RAP1GAP2: variants seen among roughly 807,000 people sequenced by gnomAD.
RAP1GAP2 encodes the protein RAP1 GTPase activating protein 2.
RAP1GAP2 carries 27 observed loss-of-function variants against 95.0 expected under a neutral mutation model. The observed-to-expected ratio is 0.28, with a 90% CI of 0.21 to 0.39. The LOEUF (loss-of-function observed/expected upper bound fraction) is 0.39, where lower values mean the gene tolerates loss of function less well. Among genes scored for constraint, RAP1GAP2 ranks in the 10% least tolerant of loss-of-function variants. The pLI is 1.00. For synonymous variants in RAP1GAP2, 373 were observed against 380.9 expected, an observed-to-expected ratio of 0.98 and a Z score of 0.24; for missense variants, 771 against 970.0, an observed-to-expected ratio of 0.79 and a Z score of 2.72.
At chr17:2,790,302 G>A (rs2068891804) in intron 1 of RAP1GAP2, among the ~76,000 whole-genome samples, 1 of 152,094 alleles carries the variant, frequency 6.6e-6, no homozygotes, top group South Asian at 2.1e-4. Context: ...AGTAGAGACG[G>A]GGTTTCTCCA....
At chr17:2,931,439 C>T (rs2043151729) in intron 3 of RAP1GAP2, among the ~76,000 whole-genome samples, 1 of 152,116 alleles carries the variant, frequency 6.6e-6, no homozygotes, top group Admixed American at 6.6e-5. Context: ...TGAGTGATTC[C>T]CCCAGCCAGG....
intron 3 of RAP1GAP2, among the ~76,000 whole-genome samples, chr17:2,956,947 T>C (rs1377205558): frequency 6.6e-6 from 1 of 151,960 alleles, no homozygotes; most frequent in East Asian, 1.9e-4. Context: ...GCCAACATAG[T>C]GAAACCCCGT....
At chr17:2,976,268 G>GA (rs2045114623) in intron 8 of RAP1GAP2, among the ~76,000 whole-genome samples, 1 of 151,984 alleles carries the variant, frequency 6.6e-6, no homozygotes, top group South Asian at 2.1e-4. Flanking sequence ...CTTAGCAAAA[G>GA]AAAAAAATAC....
chr17:2,798,699 T>C (rs1034304172), intron 1 of RAP1GAP2, among the ~76,000 whole-genome samples: 2 of 152,088 alleles, frequency 1.3e-5, no homozygotes, highest in Admixed American at 6.5e-5. Context: ...CTTGGCTTCC[T>C]GAAAGGGAAA....
intron 1 of RAP1GAP2, among the ~76,000 whole-genome samples, chr17:2,798,929 C>T (rs2069173969): frequency 6.6e-6 from 1 of 152,180 alleles, no homozygotes; most frequent in Non-Finnish European, 1.5e-5. Flanking sequence ...AGCCCCGGTT[C>T]CAGCGGTTCC....
rs546111176 is a variant in RAP1GAP2 at position 2,789,607 on chromosome 17, TAAAA to T, written c.-13-10888_-13-10885del. Among the ~76,000 whole-genome samples, 6 of 74,822 alleles carry T rather than the reference TAAAA, an allele frequency of 8.0e-5. No homozygotes were observed. In the South Asian group the frequency reaches 2.3e-3, roughly 29 times the overall value. 49.1% of individuals were successfully genotyped at this position (74,822 alleles called of 152,430 possible). ...GAAACGACTCACAGACAGTCTCTAC[TAAAA>T]AAAAAAAAAAAAAAAAAAACATTAG... On this transcript the variant is annotated intron_variant, in intron 1 of 24. Coordinates refer to the RAP1GAP2 transcript ENST00000540393.
intron 11 of RAP1GAP2, among the ~76,000 whole-genome samples, chr17:2,987,616 C>T (rs2045601521): frequency 6.6e-6 from 1 of 152,056 alleles, no homozygotes; most frequent in African/African-American, 2.4e-5. Flanking sequence ...CTGCCTTGGC[C>T]TCCCAAAGTG....
intron 1 of RAP1GAP2, among the ~76,000 whole-genome samples, chr17:2,800,003 T>C (rs2069214660): frequency 6.6e-6 from 1 of 152,140 alleles, no homozygotes; most frequent in Non-Finnish European, 1.5e-5. Flanking sequence ...TCTGCCTCCC[T>C]GGATGGACTG....
At position 2,927,978 on chromosome 17, in the gene RAP1GAP2, C is replaced by T. The variant is rs564055514; in HGVS notation, c.165+22610C>T. On this transcript the variant is annotated intron_variant, in intron 3 of 24. Transcript: ENST00000254695. The stretch of plus-strand genomic sequence containing the variant: ...TGGAATATGTGCCTAAGCATTTCCA[C>T]AGAGAGAAGAGGGACATAGCACACA... 1.1e-3 allele frequency among the ~76,000 whole-genome samples: 163 copies of T among 152,304 alleles called. 1 individual carries two copies. Among genetic ancestry groups the T allele is most frequent in the African/African-American group, 3.8e-3 (157 of 41,556 alleles).
intron 2 of RAP1GAP2, among the ~76,000 whole-genome samples, chr17:2,881,848 T>C (rs2073306469): frequency 6.6e-6 from 1 of 152,168 alleles, no homozygotes; most frequent in South Asian, 2.1e-4. Context: ...TGAGACGGAG[T>C]CTCGCTATGT....
At chr17:2,860,007 A>G (rs1303961730) in intron 2 of RAP1GAP2, among the ~76,000 whole-genome samples, 1 of 146,410 alleles carries the variant, frequency 6.8e-6, no homozygotes, top group Non-Finnish European at 1.5e-5. Flanking sequence ...GTCATTGTTG[A>G]TTGATTTGTT....
chr17:3,015,128 C>T (rs1017045553), intron 17 of RAP1GAP2, among the ~76,000 whole-genome samples: 6 of 152,158 alleles, frequency 3.9e-5, no homozygotes, highest in Non-Finnish European at 8.8e-5. Flanking sequence ...GCTTGCGTGA[C>T]GGGGTAAATA....
intron 2 of RAP1GAP2, among the ~76,000 whole-genome samples, chr17:2,900,586 C>T (rs748123364): frequency 2.0e-5 from 3 of 151,994 alleles, no homozygotes; most frequent in South Asian, 2.1e-4. Flanking sequence ...GGATTACAGG[C>T]ACCCGCCACC....
In RAP1GAP2 at chr17:3,025,032, A is replaced by T. The variant is rs58623052; in HGVS notation, c.1752-976A>T. On this transcript the variant is annotated intron_variant, in intron 19 of 24. Coordinates refer to ENST00000254695, the MANE Select transcript of RAP1GAP2 (RefSeq NM_015085.5). ...AGCCATTGCATTGTATACTTTAAAT[A>T]GGTGAGTTCTGTGGTGTGTAGATTC... 0.018 allele frequency among the ~76,000 whole-genome samples: 2,767 copies of T among 152,332 alleles called. 151 individuals are homozygous for T. In the East Asian group the frequency reaches 0.21, roughly 12 times the overall value.
In RAP1GAP2 at chr17:3,006,045, A is replaced by G; in HGVS notation, c.1359+4A>G. ...GGACAAGTTTGCAAAGCTGGAGGTG[A>G]GAGTGTGGTTTCTGAAGGTCTCCCT... On this transcript the variant is annotated splice_donor_region_variant and intron_variant, in intron 16 of 24. Coordinates refer to ENST00000254695, the MANE Select transcript of RAP1GAP2 (RefSeq NM_015085.5). 6.7e-7 allele frequency: 1 copy of G among 1,501,574 alleles called. No individual in the cohort carries two copies. The highest frequency in any genetic ancestry group is 9.0e-7 in the Non-Finnish European group (1 of 1,109,942). The allele number at this position is 1,501,574 out of a possible 1,614,324, so 93.0% of individuals were successfully genotyped here. A position where few individuals can be genotyped will look rare whatever the true frequency, so the allele number is the denominator to read the frequency against.
At chr17:2,897,897 G>T (rs1258304095) in intron 2 of RAP1GAP2, among the ~76,000 whole-genome samples, 2 of 149,204 alleles carry the variant, frequency 1.3e-5, no homozygotes, top group African/African-American at 4.9e-5. Flanking sequence ...GGTGGGGATT[G>T]CCATTTTGCA....
chr17:2,881,253 T>C (rs995889877), intron 2 of RAP1GAP2, among the ~76,000 whole-genome samples: 29 of 147,434 alleles, frequency 2.0e-4, no homozygotes, highest in Admixed American at 1.8e-3. Context: ...AGAGTGAGAC[T>C]CTGCCTCAAA....
intron 3 of RAP1GAP2, among the ~76,000 whole-genome samples, chr17:2,939,304 G>A: frequency 1.3e-5 from 2 of 152,104 alleles, no homozygotes; most frequent in African/African-American, 2.4e-5. Flanking sequence ...TGGCCAGGCT[G>A]GTCTCGAACT....
chr17:2,912,447 C>A (rs374652676), intron 3 of RAP1GAP2, among the ~76,000 whole-genome samples: 1 of 152,218 alleles, frequency 6.6e-6, no homozygotes, highest in African/African-American at 2.4e-5. Context: ...CAGTGTCAGC[C>A]CCCCATACAT....
Sources: gnomAD v4.1 joint callset for allele counts (sites outside exome capture counted in the v4.1 genomes callset) on GRCh38, gnomAD v4.1.1 for gene constraint, MANE v1.5 for transcripts, NCBI Gene and HGNC (gene_info 2026-07-23, HGNC 2026-07-21) for gene names.